TPPP2: variants seen among roughly 807,000 people sequenced by gnomAD.
TPPP2 encodes the protein tubulin polymerization-promoting protein family member 2.
Under a neutral mutation model 13.0 loss-of-function variants are expected in TPPP2, and 8 were observed. The ratio of observed to expected loss-of-function variants is 0.62; its 90% CI spans 0.36 to 1.11. TPPP2 has a LOEUF of 1.11. Among genes scored for constraint, TPPP2 ranks in the 50% most tolerant of loss-of-function variants. The pLI is 0.02. For missense variants in TPPP2, 213 were observed against 216.9 expected, an observed-to-expected ratio of 0.98 and a Z score of 0.11; for synonymous variants, 81 against 81.8, an observed-to-expected ratio of 0.99 and a Z score of 0.05.
chr14:21,030,611 T>C lies in TPPP2; in HGVS notation c.30T>C (p.His10=). The C allele has an allele frequency of 6.2e-7, 1 of 1,613,772 alleles. No homozygotes were observed. The highest frequency in any genetic ancestry group is 8.5e-7 in the Non-Finnish European group (1 of 1,179,934). The change falls in exon 2 of 4, where the codon CAT becomes CAC. Residue 10 remains histidine, a synonymous_variant. Coordinates refer to ENST00000321760, the MANE Select transcript of TPPP2 (RefSeq NM_173846.5). ...CATCAGAGGCAGAAAAAACATTCCA[T>C]CGGTTTGCTGCGTTTGGAGAATCAT... is the stretch of plus-strand genomic sequence containing the variant. MASEAEKTF[H]RFAAFGESSS...
chr14:21,024,473 G>A (rs919076620), intron 1 of TPPP2: 1 of 968,478 alleles, frequency 1.0e-6, no homozygotes, highest in African/African-American at 1.8e-5. Flanking sequence ...AAACGCGGGG[G>A]AATAGGGGAT....
At chr14:21,033,789 G>T, downstream of TPPP2, 1 of 1,349,444 alleles carries the variant, frequency 7.4e-7, no homozygotes, top group Non-Finnish European at 1.1e-6. Context: ...CTGGCCTGTG[G>T]TGGTAGAGGT....
intron 3 of TPPP2, among the ~76,000 whole-genome samples, chr14:21,031,681 C>T (rs1273757934): frequency 1.3e-5 from 2 of 152,136 alleles, no homozygotes; most frequent in Admixed American, 1.3e-4. Context: ...CACACTCATT[C>T]CCACACCACA....
chr14:21,032,873 A>T (rs1340535137), downstream of TPPP2: 1 of 442,120 alleles, frequency 2.3e-6, no homozygotes, highest in East Asian at 7.0e-5. Flanking sequence ...GAAGTTACAA[A>T]AAATGGTACA....
intron 1 of TPPP2, chr14:21,024,651 A>G (rs902662890): frequency 3.0e-6 from 3 of 985,302 alleles, no homozygotes; most frequent in Middle Eastern, 1.0e-3. Context: ...CGGTCCCACA[A>G]TCTTCTCCCG....
rs1002486302 is a variant in TPPP2, at chr14:21,025,126, C to A, written n.236+782C>A. On this transcript the variant is annotated intron_variant and non_coding_transcript_variant, in intron 1 of 1. Transcript: ENST00000533755. The surrounding 1 kb of genome is among the most constrained non-coding windows in gnomAD (Gnocchi z 5.1). ...GACCCGCCCCCGGCCCGCCCCAGCC[C>A]GCCCACGGGCGCTAGGCTCCCCGCA... 2.0e-6 allele frequency: 2 copies of A among 981,506 alleles called. No individual in the cohort carries two copies. The highest frequency in any genetic ancestry group is 1.2e-6 in the Non-Finnish European group (1 of 826,604). The allele number at this position is 981,506 out of a possible 1,614,324, so 60.8% of individuals were successfully genotyped here. A position where few individuals can be genotyped will look rare whatever the true frequency, so the allele number is the denominator to read the frequency against.
chr14:21,024,975 G>C (rs1482482358), intron 1 of TPPP2: 4 of 985,602 alleles, frequency 4.1e-6, no homozygotes, highest in South Asian at 4.7e-5. Context: ...ACCGCCCGCC[G>C]GCCCGGCTGG....
intron 3 of TPPP2, 72 bp from the exon 4 acceptor site, chr14:21,031,820 G>A (rs976446356): frequency 1.1e-5 from 16 of 1,514,090 alleles, no homozygotes; most frequent in South Asian, 6.3e-5. Context: ...TAAGTATCTC[G>A]GGCCATCTTT....
chr14:21,034,276 C>T, downstream of TPPP2: 6 of 1,610,270 alleles, frequency 3.7e-6, no homozygotes, highest in Non-Finnish European at 4.2e-6. Flanking sequence ...AGCCGGGTCA[C>T]AGCTGGTGCC....
chr14:21,034,135 A>G (rs1423791934), downstream of TPPP2: 15 of 1,614,118 alleles, frequency 9.3e-6, no homozygotes, highest in Middle Eastern at 1.6e-4. Context: ...AGACCATTAC[A>G]ATAGCCCCGG....
At chr14:21,036,182 C>G (rs965501453), downstream of TPPP2, 2 of 456,196 alleles carry the variant, frequency 4.4e-6, no homozygotes, top group Non-Finnish European at 8.8e-6. Flanking sequence ...ATTCTTATTT[C>G]TTCCTCAGTG....
chr14:21,035,875 C>A (rs1393813451), downstream of TPPP2: 1 of 455,526 alleles, frequency 2.2e-6, no homozygotes, highest in Non-Finnish European at 4.4e-6. Flanking sequence ...GGGAGGCGGT[C>A]CTGCATGGTG....
chr14:21,028,261 G>A (rs1435790152), upstream of TPPP2, among the ~76,000 whole-genome samples: 4 of 151,842 alleles, frequency 2.6e-5, no homozygotes, highest in African/African-American at 7.3e-5. Flanking sequence ...GTTTTGTTTT[G>A]TTTTGTTTTT....
upstream of TPPP2, among the ~76,000 whole-genome samples, chr14:21,026,558 A>G (rs1483135478): frequency 6.6e-6 from 1 of 150,452 alleles, no homozygotes; most frequent in African/African-American, 2.4e-5. Flanking sequence ...AGGAACATCA[A>G]TGCCCCTTTC....
intron 2 of TPPP2, 65 bp downstream of exon 2, chr14:21,030,819 G>A: frequency 6.4e-7 from 1 of 1,572,742 alleles, no homozygotes; most frequent in Non-Finnish European, 8.7e-7. Flanking sequence ...CCACGGAAGG[G>A]TTCACGTGGT....
At chr14:21,025,548 C>T, upstream of TPPP2, 1 of 985,338 alleles carries the variant, frequency 1.0e-6, no homozygotes, top group East Asian at 1.1e-4. This position sits in a 1 kb window ranked among gnomAD's most constrained non-coding sequence, Gnocchi z 5.1. Flanking sequence ...AGGAGGTGGG[C>T]GGGACCGCCG....
In TPPP2 at chr14:21,030,289, A is replaced by C; in HGVS notation, c.-85A>C. 1 of 354,994 alleles carries C rather than the reference A, an allele frequency of 2.8e-6. No homozygotes were observed. Among genetic ancestry groups the C allele is most frequent in the Non-Finnish European group, 5.3e-6 (1 of 189,052 alleles). 22.0% of individuals were successfully genotyped at this position (354,994 alleles called of 1,614,324 possible). On this transcript the variant is annotated 5_prime_UTR_variant, in exon 1 of 4. Coordinates refer to ENST00000321760, the MANE Select transcript of TPPP2 (RefSeq NM_173846.5). ...AAAGGCCGGGAAGGGTCAGACCACC[A>C]TCCGGGTACTCTAAGGTACATAAAA... is the stretch of plus-strand genomic sequence containing the variant.
intron 1 of TPPP2, 63 bp from the exon 2 acceptor site, chr14:21,030,450 A>T (rs1883996260): frequency 1.1e-6 from 1 of 883,616 alleles, no homozygotes; most frequent in East Asian, 2.7e-5. Flanking sequence ...GCAACAGGGA[A>T]GAGGGGAGCT....
In TPPP2 at chr14:21,032,547, G is replaced by T. The variant is rs1884293997; in HGVS notation, c.*470G>T. The stretch of plus-strand genomic sequence containing the variant: ...TCATCTGTTGCAATTCAGGTTTTTT[G>T]GGTGGAGGAGTAGAAGCCAGCTAAG... On this transcript the variant is annotated 3_prime_UTR_variant, in exon 4 of 4. Coordinates refer to ENST00000321760, the MANE Select transcript of TPPP2 (RefSeq NM_173846.5). The T allele has an allele frequency of 1.2e-5, 4 of 345,782 alleles. No homozygotes were observed. Among genetic ancestry groups the T allele is most frequent in the South Asian group, 8.6e-5 (4 of 46,618 alleles). The allele number at this position is 345,782 out of a possible 1,614,324, so 21.4% of individuals were successfully genotyped here. A position where few individuals can be genotyped will look rare whatever the true frequency, so the allele number is the denominator to read the frequency against.
Sources: allele counts gnomAD v4.1 joint callset (sites outside exome capture counted in the v4.1 genomes callset), GRCh38; gene constraint gnomAD v4.1.1; non-coding constraint Gnocchi (gnomAD v3.1); transcripts MANE v1.5; gene names NCBI Gene and HGNC (gene_info 2026-07-23, HGNC 2026-07-21).